PDZD2: variants seen among roughly 807,000 people sequenced by gnomAD.
The protein encoded by PDZD2 is PDZ domain containing 2, also known as PDZ domain-containing protein 2.
Under a neutral mutation model 220.7 loss-of-function variants are expected in PDZD2, and 90 were observed. The observed-to-expected ratio is 0.41, with a 90% CI of 0.34 to 0.49. The LOEUF (loss-of-function observed/expected upper bound fraction) is 0.49. Ranked by LOEUF, PDZD2 falls within the 20% of genes least tolerant of loss-of-function variation. PDZD2 has a pLI of 0.28. For synonymous variants in PDZD2, 1,375 were observed against 1,450.5 expected, an observed-to-expected ratio of 0.95 and a Z score of 1.18; for missense variants, 3,174 against 3,608.5, an observed-to-expected ratio of 0.88 and a Z score of 3.08.
intron 2 of PDZD2, among the ~76,000 whole-genome samples, chr5:31,950,755 C>G (rs1282588555): frequency 6.6e-6 from 1 of 152,192 alleles, no homozygotes; most frequent in Non-Finnish European, 1.5e-5. Flanking sequence ...GAAAGTATCC[C>G]CCATAGTCAT....
intron 5 of PDZD2, among the ~76,000 whole-genome samples, chr5:32,006,950 C>CT (rs1416278559): frequency 2.6e-5 from 3 of 113,838 alleles, no homozygotes; most frequent in Non-Finnish European, 4.9e-5. Context: ...GAGTCTCGCT[C>CT]TGTCTCCCAG....
At chr5:32,030,569 G>A (rs1017780170) in intron 6 of PDZD2, among the ~76,000 whole-genome samples, 2 of 152,282 alleles carry the variant, frequency 1.3e-5, no homozygotes, top group Admixed American at 6.5e-5. Context: ...GAATTTGGGT[G>A]TTTTTTAAAA....
At chr5:31,685,668 T>G (rs1463737677) in intron 1 of PDZD2, among the ~76,000 whole-genome samples, 1 of 152,120 alleles carries the variant, frequency 6.6e-6, no homozygotes, top group Non-Finnish European at 1.5e-5. Flanking sequence ...GGACTTCAGA[T>G]GTGCACCACC....
At chr5:31,948,325 C>T (rs956472956) in intron 2 of PDZD2, among the ~76,000 whole-genome samples, 1 of 152,088 alleles carries the variant, frequency 6.6e-6, no homozygotes, top group Non-Finnish European at 1.5e-5. Context: ...CTGCTGCTGC[C>T]GTAGATGGTG....
At position 32,101,252 on chromosome 5, in the gene PDZD2, A is replaced by G. The variant is rs1487052446; in HGVS notation, c.8353+13A>G. 1.3e-6 allele frequency: 2 copies of G among 1,578,314 alleles called. No homozygotes were observed. Among genetic ancestry groups the G allele is most frequent in the South Asian group, 2.3e-5 (2 of 86,406 alleles). On this transcript the variant is annotated intron_variant, in intron 24 of 24. Coordinates refer to ENST00000438447, the MANE Select transcript of PDZD2 (RefSeq NM_178140.4). ...AGAGTGTACAAAGGTAATGTTCTAGACAACTCAGTCAGCCTTCTCTCACCT... is the reference window on the plus strand; with the variant it reads ...AGAGTGTACAAAGGTAATGTTCTAGGCAACTCAGTCAGCCTTCTCTCACCT...
intron 2 of PDZD2, among the ~76,000 whole-genome samples, chr5:31,934,014 A>G (rs1018338294): frequency 4.6e-5 from 7 of 152,102 alleles, no homozygotes; most frequent in African/African-American, 1.7e-4. Flanking sequence ...GCAAAACTAT[A>G]TGTTATATAT....
At chr5:32,052,219 C>T (rs1237260753) in intron 8 of PDZD2, among the ~76,000 whole-genome samples, 1 of 152,216 alleles carries the variant, frequency 6.6e-6, no homozygotes, top group African/African-American at 2.4e-5. Flanking sequence ...AATCTCTGCT[C>T]ACTGCAACCT....
intron 19 of PDZD2, among the ~76,000 whole-genome samples, chr5:32,078,196 AG>A (rs1374251224): frequency 6.6e-6 from 1 of 152,190 alleles, no homozygotes; most frequent in Non-Finnish European, 1.5e-5. Context: ...TCAAAATCAC[AG>A]CACTCTGCCT....
chr5:31,661,789 T>G (rs1745775052), intron 1 of PDZD2, among the ~76,000 whole-genome samples: 1 of 151,342 alleles, frequency 6.6e-6, no homozygotes, highest in Non-Finnish European at 1.5e-5. Context: ...CCCTTGGTTT[T>G]TTTTTTTTTT....
In PDZD2 at chr5:32,109,771, T is replaced by C. The variant is rs1745197868; in HGVS notation, c.*1636T>C. 6.6e-6 allele frequency: 1 copy of C among 152,470 alleles called. No individual in the cohort carries two copies. The highest frequency in any genetic ancestry group is 1.9e-4 in the East Asian group (1 of 5,196). 9.4% of individuals were successfully genotyped at this position (152,470 alleles called of 1,614,324 possible). A position where few individuals can be genotyped will look rare whatever the true frequency, so the allele number is the denominator to read the frequency against. Reference sequence around the variant, plus strand: ...TCTATGGCTGTGACCCCCAGATTCATGGAGGGGCTTTAGCCATCAGCTTTG... The same window carrying C: ...TCTATGGCTGTGACCCCCAGATTCACGGAGGGGCTTTAGCCATCAGCTTTG... On this transcript the variant is annotated 3_prime_UTR_variant, in exon 25 of 25. Coordinates refer to ENST00000438447, the MANE Select transcript of PDZD2 (RefSeq NM_178140.4).
intron 19 of PDZD2, among the ~76,000 whole-genome samples, chr5:32,079,404 G>A (rs990884176): frequency 2.6e-5 from 4 of 151,746 alleles, no homozygotes; most frequent in Admixed American, 6.6e-5. Context: ...GCAGTCCTCC[G>A]CAACTGTCGG....
intron 20 of PDZD2, among the ~76,000 whole-genome samples, chr5:32,092,138 G>C (rs1235466522): frequency 6.6e-6 from 1 of 151,660 alleles, no homozygotes; most frequent in Non-Finnish European, 1.5e-5. Context: ...GCTGGGGATG[G>C]TGGCAGGCGC....
Position 31,983,659 on chromosome 5 carries a change from A to G in PDZD2, c.978+3A>G, listed in dbSNP as rs772739079. On this transcript the variant is annotated splice_donor_region_variant and intron_variant, in intron 3 of 24. Transcript: ENST00000438447. The stretch of plus-strand genomic sequence containing the variant: ...AATCGAGTGACTGCCTGGCACGGGT[A>G]AGGTTTGGTTTGATTATGGAACCAG... The G allele has an allele frequency of 8.7e-6, 14 of 1,611,230 alleles. No homozygotes were observed. In the Admixed American group the frequency reaches 1.2e-4, roughly 13 times the overall value.
At chr5:31,653,824 A>C (rs995286089) in intron 1 of PDZD2, among the ~76,000 whole-genome samples, 1 of 151,940 alleles carries the variant, frequency 6.6e-6, no homozygotes, top group Non-Finnish European at 1.5e-5. Flanking sequence ...TCACTCTGTC[A>C]CTCAGGCTGG....
chr5:31,970,144 C>T (rs1749167700), intron 2 of PDZD2, among the ~76,000 whole-genome samples: 1 of 152,086 alleles, frequency 6.6e-6, no homozygotes, highest in Non-Finnish European at 1.5e-5. Context: ...ATCCGCCCAC[C>T]TCGGCCTCCC....
intron 19 of PDZD2, among the ~76,000 whole-genome samples, chr5:32,086,657 C>T (rs578209931): frequency 8.3e-5 from 12 of 144,554 alleles, no homozygotes; most frequent in African/African-American, 2.8e-4. Context: ...GGCCACAGAA[C>T]GCCGTTTTGT....
chr5:32,029,607 C>T (rs553317290), intron 6 of PDZD2, among the ~76,000 whole-genome samples: 1 of 152,258 alleles, frequency 6.6e-6, no homozygotes, highest in South Asian at 2.1e-4. Context: ...GAGGATCCCT[C>T]ACCATAGGCA....
At chr5:31,806,231 A>G (rs1310217459) in intron 2 of PDZD2, among the ~76,000 whole-genome samples, 1 of 152,170 alleles carries the variant, frequency 6.6e-6, no homozygotes, top group East Asian at 1.9e-4. Flanking sequence ...CTGTGAAAGG[A>G]GCAGTTACAG....
chr5:31,788,620 C>T (rs553526289), intron 1 of PDZD2, among the ~76,000 whole-genome samples: 7 of 151,956 alleles, frequency 4.6e-5, no homozygotes, highest in Admixed American at 2.0e-4. Flanking sequence ...GAGCCGAGAT[C>T]GTGCCACTGC....
Sources: gnomAD v4.1 joint callset for allele counts (sites outside exome capture counted in the v4.1 genomes callset) on GRCh38, gnomAD v4.1.1 for gene constraint, MANE v1.5 for transcripts, NCBI Gene and HGNC (gene_info 2026-07-23, HGNC 2026-07-21) for gene names.